HMCN1: variants seen among roughly 807,000 people sequenced by gnomAD.
HMCN1 encodes the protein hemicentin-1.
HMCN1 carries 321 observed loss-of-function variants against 625.9 expected under a neutral mutation model. The observed-to-expected ratio is 0.51, with a 90% CI of 0.47 to 0.56. HMCN1 has a LOEUF of 0.56. HMCN1 is among the 20% of genes least tolerant of loss of function. HMCN1 has a pLI of 0.00. For missense variants in HMCN1, 6,588 were observed against 6,887.3 expected, an observed-to-expected ratio of 0.96 and a Z score of 1.54; for synonymous variants, 2,425 against 2,417.6, an observed-to-expected ratio of 1.00 and a Z score of -0.09.
At chr1:185,759,031 G>T (rs899507640) in intron 1 of HMCN1, among the ~76,000 whole-genome samples, 2 of 152,182 alleles carry the variant, frequency 1.3e-5, no homozygotes, top group Non-Finnish European at 2.9e-5. Context: ...TACTGAAGGT[G>T]ATGGTTGAAG....
chr1:186,006,645 G>A (rs753972958), intron 29 of HMCN1, among the ~76,000 whole-genome samples: 11 of 151,238 alleles, frequency 7.3e-5, no homozygotes, highest in Non-Finnish European at 1.3e-4. Context: ...ATTGCCTTTA[G>A]TAAAAATAAC....
intron 1 of HMCN1, among the ~76,000 whole-genome samples, chr1:185,756,593 A>G (rs1419417469): frequency 6.6e-6 from 1 of 152,206 alleles, no homozygotes; most frequent in African/African-American, 2.4e-5. Flanking sequence ...TGACCAATAA[A>G]TATTAATTCA....
At chr1:185,788,219 C>G (rs1657756643) in intron 1 of HMCN1, among the ~76,000 whole-genome samples, 1 of 152,170 alleles carries the variant, frequency 6.6e-6, no homozygotes, top group African/African-American at 2.4e-5. Flanking sequence ...GCAACCGACA[C>G]AAAGAGGACA....
At chr1:185,961,075 C>T (rs1043370360) in intron 11 of HMCN1, among the ~76,000 whole-genome samples, 6 of 152,088 alleles carry the variant, frequency 3.9e-5, no homozygotes. Flanking sequence ...ATCCTTTAAA[C>T]ATTAACTTCA....
At position 186,023,019 on chromosome 1, in the gene HMCN1, C is replaced by T; in HGVS notation, c.5626-11C>T. 1.9e-6 allele frequency: 3 copies of T among 1,612,812 alleles called. No individual in the cohort carries two copies. In the East Asian group the frequency reaches 6.7e-5, roughly 36 times the overall value. ...ATACAAAAATCCTCTGTGCTTTCTGCTCCCAATTAGATACAGTCTTCTGGT... is the reference window on the plus strand; with the variant it reads ...ATACAAAAATCCTCTGTGCTTTCTGTTCCCAATTAGATACAGTCTTCTGGT... On this transcript the variant is annotated splice_polypyrimidine_tract_variant and intron_variant, in intron 35 of 106. Coordinates refer to ENST00000271588, the MANE Select transcript of HMCN1 (RefSeq NM_031935.3).
chr1:186,131,089 G>A (rs947782925), intron 85 of HMCN1, among the ~76,000 whole-genome samples: 2 of 151,994 alleles, frequency 1.3e-5, no homozygotes, highest in Admixed American at 1.3e-4. Flanking sequence ...GTGGTGCTTT[G>A]GTTTATTATT....
In HMCN1 at chr1:186,188,142, A is replaced by G. The variant is rs116512477; in HGVS notation, c.16541+133A>G. On this transcript the variant is annotated intron_variant, in intron 106 of 106. Coordinates refer to ENST00000271588, the MANE Select transcript of HMCN1 (RefSeq NM_031935.3). Reference sequence around the variant, plus strand: ...TAACTCCAGGAAGATGTGGGGTTACAGTAAGTATTCTCTTCAATGAATGGG... The same window carrying G: ...TAACTCCAGGAAGATGTGGGGTTACGGTAAGTATTCTCTTCAATGAATGGG... The G allele has an allele frequency of 0.015, 16,166 of 1,082,878 alleles. 181 individuals are homozygous for G. Among genetic ancestry groups the G allele is most frequent in the Middle Eastern group, 0.054 (271 of 4,982 alleles). 67.1% of individuals were successfully genotyped at this position (1,082,878 alleles called of 1,614,324 possible).
chr1:185,914,443 A>G lies in HMCN1; in HGVS notation c.900+2663A>G, dbSNP rs776930016. 7.2e-5 allele frequency among the ~76,000 whole-genome samples: 11 copies of G among 152,208 alleles called. No individual in the cohort carries two copies. In the East Asian group the frequency reaches 1.9e-3, roughly 27 times the overall value. On this transcript the variant is annotated intron_variant, in intron 6 of 106. Coordinates refer to ENST00000271588, the MANE Select transcript of HMCN1 (RefSeq NM_031935.3). ...TCACATAACAGTTTTTATCCCAAAT[A>G]TGGAGAACGATCTATCTATTACTTA...
At chr1:186,026,660 A>G (rs1401147792) in intron 36 of HMCN1, among the ~76,000 whole-genome samples, 1 of 152,080 alleles carries the variant, frequency 6.6e-6, no homozygotes, top group East Asian at 1.9e-4. Flanking sequence ...TAGAGACAAA[A>G]TCTCACTCTG....
chr1:185,769,689 A>G (rs1656105766), intron 1 of HMCN1, among the ~76,000 whole-genome samples: 1 of 152,088 alleles, frequency 6.6e-6, no homozygotes, highest in Non-Finnish European at 1.5e-5. Context: ...CTGTTAGTCA[A>G]AATTTGGGCT....
chr1:186,144,420 C>G, intron 90 of HMCN1, 77 bp downstream of exon 90: 1 of 1,597,876 alleles, frequency 6.3e-7, no homozygotes, highest in Non-Finnish European at 8.6e-7. Context: ...CAACAAGAAT[C>G]TATCCCATTC....
intron 1 of HMCN1, among the ~76,000 whole-genome samples, chr1:185,748,721 A>G (rs1168894395): frequency 1.3e-5 from 2 of 152,222 alleles, no homozygotes; most frequent in Admixed American, 6.5e-5. Flanking sequence ...TAGTTTCCTT[A>G]TCATTAAAGT....
In HMCN1 at chr1:185,881,344, T is replaced by TC. The variant is rs528327932; in HGVS notation, c.621+15485dup. Among the ~76,000 whole-genome samples, 135 of 152,298 alleles carry TC rather than the reference T, an allele frequency of 8.9e-4. 1 individual carries two copies. The highest frequency in any genetic ancestry group is 4.1e-4 in the South Asian group (2 of 4,824). On this transcript the variant is annotated intron_variant, in intron 4 of 106. Coordinates refer to ENST00000271588, the MANE Select transcript of HMCN1 (RefSeq NM_031935.3). ...AGGGGATGGAGTAGGAAGGCAATCT[T>TC]CCCCTGAAGTCCAGCCATCTCTGGT... is the stretch of plus-strand genomic sequence containing the variant.
At chr1:186,155,106 C>T (rs1314031346) in intron 97 of HMCN1, among the ~76,000 whole-genome samples, 1 of 152,158 alleles carries the variant, frequency 6.6e-6, no homozygotes, top group Non-Finnish European at 1.5e-5. Flanking sequence ...TAAACTTCAC[C>T]ATTTTATCAT....
At chr1:186,151,141 C>A (rs994934159) in intron 93 of HMCN1, 59 bp from the exon 94 acceptor site, 10 of 1,558,914 alleles carry the variant, frequency 6.4e-6, no homozygotes, top group Non-Finnish European at 8.8e-6. Flanking sequence ...CTCTTTTCTC[C>A]CATGTAATGT....
chr1:186,132,248 A>G, intron 85 of HMCN1, 80 bp from the exon 86 acceptor site: 1 of 958,654 alleles, frequency 1.0e-6, no homozygotes, highest in Non-Finnish European at 1.7e-6. Context: ...AATTTCAAAT[A>G]AACTAGCATC....
At position 186,052,976 on chromosome 1, in the gene HMCN1, A is replaced by G. The variant is rs756542293; in HGVS notation, c.6602A>G (p.Asp2201Gly). 1 of 1,607,444 alleles carries G rather than the reference A, an allele frequency of 6.2e-7. No homozygotes were observed. Among genetic ancestry groups the G allele is most frequent in the Non-Finnish European group, 8.5e-7 (1 of 1,174,788 alleles). The change falls in exon 43 of 107, where the codon GAT (aspartate) becomes GGT (glycine). Residue 2201 changes from aspartate to glycine, a missense_variant. Asp to Gly is a moderately conservative substitution (Grantham distance 94, BLOSUM62 -1). Transcript: ENST00000271588. ...IWVPPNIGGSDELTQLTVIEG... is the reference protein window; with the variant it reads ...IWVPPNIGGSGELTQLTVIEG... ...GTCCCCCCAAATATTGGTGGTTCTG[A>G]TGAACTTACTCAACTTACAGTCATT...
chr1:185,864,230 T>A (rs7545771), intron 2 of HMCN1, among the ~76,000 whole-genome samples: 7,217 of 152,118 alleles, frequency 0.047, 591 homozygotes, highest in African/African-American at 0.16. Flanking sequence ...TTTAATTTTA[T>A]AAATATATAG....
At chr1:186,000,289 T>C (rs1253552761) in intron 26 of HMCN1, 50 bp downstream of exon 26, 1 of 1,304,444 alleles carries the variant, frequency 7.7e-7, no homozygotes, top group East Asian at 2.4e-5. Flanking sequence ...TCTCCAGTTC[T>C]TAAATGTTTA....
Sources: gnomAD v4.1 joint callset for allele counts (sites outside exome capture counted in the v4.1 genomes callset) on GRCh38, gnomAD v4.1.1 for gene constraint, MANE v1.5 for transcripts, NCBI Gene and HGNC (gene_info 2026-07-23, HGNC 2026-07-21) for gene names.